Variants in CCDC7 observed in about 807,000 individuals in gnomAD.
CCDC7 encodes coiled-coil domain-containing protein 7.
A neutral mutation model predicts 196.9 loss-of-function variants in CCDC7; 183 were observed. The ratio of observed to expected loss-of-function variants is 0.93; its 90% CI spans 0.82 to 1.05. CCDC7 has a LOEUF of 1.05. CCDC7 is among the 50% of genes least tolerant of loss of function. CCDC7 has a pLI of 0.00. For synonymous variants in CCDC7, 525 were observed against 484.6 expected, an observed-to-expected ratio of 1.08 and a Z score of -1.10; for missense variants, 1,540 against 1,482.2, an observed-to-expected ratio of 1.04 and a Z score of -0.64.
chr10:32,556,612 A>G (rs2054393148), intron 13 of CCDC7, among the ~76,000 whole-genome samples: 1 of 152,096 alleles, frequency 6.6e-6, no homozygotes, highest in African/African-American at 2.4e-5. Context: ...TTCTATGTGT[A>G]TGTTTGTTCT....
chr10:32,639,774 G>T lies in CCDC7; in HGVS notation c.2014+4616G>T, dbSNP rs540989762. On this transcript the variant is annotated intron_variant, in intron 20 of 41. Transcript: ENST00000639629. ...TCTCCGAGTAGCTGGGACTACAGGT[G>T]CCCGCCAGCACTGCCGGCTAATTTT... Among the ~76,000 whole-genome samples, 228 of 152,080 alleles carry T rather than the reference G, an allele frequency of 1.5e-3. 2 individuals are homozygous for T. Among genetic ancestry groups the T allele is most frequent in the African/African-American group, 5.2e-3 (217 of 41,494 alleles).
chr10:32,796,934 G>C (rs2083668758), intron 29 of CCDC7, among the ~76,000 whole-genome samples: 1 of 151,866 alleles, frequency 6.6e-6, no homozygotes, highest in Non-Finnish European at 1.5e-5. Flanking sequence ...AGAATTCTAG[G>C]GGCATCAGAC....
chr10:32,507,750 C>T (rs1223140414), intron 9 of CCDC7, among the ~76,000 whole-genome samples: 2 of 152,166 alleles, frequency 1.3e-5, no homozygotes, highest in African/African-American at 2.4e-5. Context: ...GTGCATGGCT[C>T]ACTGTTACCA....
intron 28 of CCDC7, among the ~76,000 whole-genome samples, chr10:32,741,415 C>T (rs987185540): frequency 1.3e-5 from 2 of 152,070 alleles, no homozygotes; most frequent in African/African-American, 2.4e-5. Context: ...ACAGTCATTC[C>T]TTGGTATACA....
chr10:32,497,877 G>C (rs919131270), intron 9 of CCDC7, among the ~76,000 whole-genome samples: 3 of 152,176 alleles, frequency 2.0e-5, no homozygotes, highest in Admixed American at 1.3e-4. Flanking sequence ...CTGTTGATTT[G>C]TTGTGGAAAG....
chr10:32,472,479 A>G lies in CCDC7; in HGVS notation c.678-2A>G. The G allele has an allele frequency of 6.3e-7, 1 of 1,576,724 alleles. No homozygotes were observed. The highest frequency in any genetic ancestry group is 1.2e-5 in the South Asian group (1 of 81,606). On this transcript the variant is annotated splice_acceptor_variant, in intron 6 of 41. Coordinates refer to ENST00000639629, the Ensembl canonical transcript of CCDC7. LOFTEE classifies it high-confidence loss of function. ...AATATTTCATTTATCGAACTTTAAC[A>G]GGGATAAAGAAAATCGACCAGAAGC...
chr10:32,534,959 C>T (rs1276528820), intron 11 of CCDC7, among the ~76,000 whole-genome samples: 1 of 151,034 alleles, frequency 6.6e-6, no homozygotes. Flanking sequence ...GGTGGGAAAG[C>T]TGGTTGACCC....
At chr10:32,741,069 TA>T (rs1357460883) in intron 28 of CCDC7, among the ~76,000 whole-genome samples, 4 of 152,116 alleles carry the variant, frequency 2.6e-5, no homozygotes, top group Non-Finnish European at 5.9e-5. Flanking sequence ...TCATAGCACA[TA>T]AATGTGATTA....
intron 21 of CCDC7, among the ~76,000 whole-genome samples, chr10:32,677,722 T>C (rs1191926658): frequency 6.6e-6 from 1 of 152,122 alleles, no homozygotes; most frequent in Non-Finnish European, 1.5e-5. Flanking sequence ...ATCCTTTGTG[T>C]TTCGTGTATC....
intron 18 of CCDC7, among the ~76,000 whole-genome samples, chr10:32,608,619 C>T (rs2061776052): frequency 6.6e-6 from 1 of 152,128 alleles, no homozygotes; most frequent in Non-Finnish European, 1.5e-5. Flanking sequence ...AGGCTCACTG[C>T]ACCCTCCGCC....
At chr10:32,729,387 G>T (rs577984677) in exon 28 of CCDC7, 2 of 1,534,238 alleles carry the variant, frequency 1.3e-6, no homozygotes, top group East Asian at 4.6e-5. Context: ...TGTTGCCTGA[G>T]GAGAAAGTTT....
At chr10:32,474,278 C>T (rs940292134) in intron 8 of CCDC7, among the ~76,000 whole-genome samples, 1 of 122,010 alleles carries the variant, frequency 8.2e-6, no homozygotes, top group Non-Finnish European at 1.6e-5. Context: ...GGCTGGAGTG[C>T]AGTGGCATGA....
intron 31 of CCDC7, 102 bp downstream of exon 32, chr10:32,814,555 T>C: frequency 1.3e-6 from 1 of 745,678 alleles, no homozygotes; most frequent in Admixed American, 2.2e-5. Context: ...CTATGAATTA[T>C]TACATAGGCA....
intron 24 of CCDC7, among the ~76,000 whole-genome samples, chr10:32,705,529 G>A (rs1447880209): frequency 6.6e-6 from 1 of 152,066 alleles, no homozygotes; most frequent in African/African-American, 2.4e-5. Flanking sequence ...CTGACAAGTT[G>A]GATAAAGAGT....
intron 9 of CCDC7, among the ~76,000 whole-genome samples, chr10:32,517,540 A>G (rs2047205505): frequency 6.9e-6 from 1 of 144,412 alleles, no homozygotes; most frequent in African/African-American, 2.6e-5. Flanking sequence ...TACAAAGAAA[A>G]TGTGTGTGTT....
intron 25 of CCDC7, among the ~76,000 whole-genome samples, chr10:32,717,257 T>G (rs1490156714): frequency 6.6e-6 from 1 of 152,188 alleles, no homozygotes; most frequent in Admixed American, 6.5e-5. Context: ...ACATGGAAAC[T>G]GAACAACCTG....
At chr10:32,637,742 AG>A (rs2065914463) in intron 20 of CCDC7, among the ~76,000 whole-genome samples, 2 of 152,150 alleles carry the variant, frequency 1.3e-5, no homozygotes, top group South Asian at 4.1e-4. Context: ...TGAACTTTAA[AG>A]TAGTTTTTTC....
At chr10:32,642,683 C>G (rs569694963) in intron 20 of CCDC7, among the ~76,000 whole-genome samples, 1 of 152,220 alleles carries the variant, frequency 6.6e-6, no homozygotes, top group Non-Finnish European at 1.5e-5. Flanking sequence ...CTGTCTGACA[C>G]TCCGCAGTGT....
intron 22 of CCDC7, among the ~76,000 whole-genome samples, chr10:32,686,390 C>A (rs1464631754): frequency 6.6e-6 from 1 of 152,130 alleles, no homozygotes; most frequent in African/African-American, 2.4e-5. Context: ...TCCAAAAGCC[C>A]AATTTATTCC....
Sources: allele counts gnomAD v4.1 joint callset (sites outside exome capture counted in the v4.1 genomes callset), GRCh38; gene constraint gnomAD v4.1.1; transcripts MANE v1.5; gene names NCBI Gene and HGNC (gene_info 2026-07-23, HGNC 2026-07-21).